SDF4: variants seen among roughly 807,000 people sequenced by gnomAD.
SDF4 encodes the protein stromal cell derived factor 4.
Under a neutral mutation model 34.2 loss-of-function variants are expected in SDF4, and 22 were observed. That is an observed-to-expected ratio of 0.64 (90% confidence interval 0.46 to 0.92). The LOEUF is 0.92. Ranked by LOEUF, SDF4 falls within the 40% of genes least tolerant of loss-of-function variation. SDF4 has a pLI of 0.00. For synonymous variants in SDF4, 236 were observed against 203.1 expected (o/e 1.16, Z -1.38); for missense variants, 447 against 499.9 (o/e 0.89, Z 1.01).
At position 1,218,163 on chromosome 1, in the gene SDF4, G is replaced by A. The variant is rs1649647090; in HGVS notation, c.891+295C>T. Among the ~76,000 whole-genome samples the A allele has an allele frequency of 6.6e-6, 1 of 152,200 alleles. No individual in the cohort carries two copies. Among genetic ancestry groups the A allele is most frequent in the African/African-American group, 2.4e-5 (1 of 41,466 alleles). ...CCTGCCTCCATGCTGGGCCCAGCAT[G>A]AGCTTCCCCTTGTGGTCCCGTTAAA... On this transcript the variant is annotated intron_variant, in intron 6 of 6. Transcript: ENST00000360001. This position sits in a 1 kb window ranked among gnomAD's most constrained non-coding sequence, Gnocchi z 7.9.
At chr1:1,220,902 G>T (rs758844032) in intron 4 of SDF4, 1 of 495,162 alleles carries the variant, frequency 2.0e-6, no homozygotes, top group Non-Finnish European at 3.5e-6. Flanking sequence ...GACCGGGGTG[G>T]AGGCACGAAC....
At chr1:1,219,493 A>G in intron 4 of SDF4, 1 of 996,014 alleles carries the variant, frequency 1.0e-6, no homozygotes, top group Admixed American at 5.4e-5. Context: ...CGAAGGACTC[A>G]CTGCCCTTTT....
At chr1:1,225,615 CATGTGGCAG>C (rs1329654574) in intron 2 of SDF4, among the ~76,000 whole-genome samples, 2 of 152,180 alleles carry the variant, frequency 1.3e-5, no homozygotes, top group African/African-American at 4.8e-5. Context: ...CCCGGGTGGC[CATGTGGCAG>C]GTGGGGCACC....
intron 4 of SDF4, chr1:1,221,104 T>C (rs931979188): frequency 2.1e-5 from 6 of 281,412 alleles, no homozygotes; most frequent in Non-Finnish European, 4.2e-5. Context: ...GTTTTTTTAA[T>C]GTCCAATTTG....
intron 1 of SDF4, among the ~76,000 whole-genome samples, chr1:1,229,475 G>A (rs572281089): frequency 2.0e-5 from 3 of 152,286 alleles, no homozygotes; most frequent in Admixed American, 6.5e-5. Flanking sequence ...GTCTCCCAAC[G>A]TGCTGGGATT....
chr1:1,218,777 C>G lies in SDF4; in HGVS notation c.707G>C (p.Arg236Pro). The G allele has an allele frequency of 1.2e-6, 2 of 1,612,270 alleles. No individual in the cohort carries two copies. Among genetic ancestry groups the G allele is most frequent in the Non-Finnish European group, 1.7e-6 (2 of 1,179,096 alleles). ...MLRFMVKEIV[R>P]DLDQDGDKQL... The stretch of plus-strand genomic sequence containing the variant: ...GCTGGACCCAGCCTCACCCAGGTCC[C>G]GGACGATCTCCTTCACCATGAACCT... Residue 236 changes from arginine to proline, a missense_variant, in exon 5 of 7, where the codon CGG becomes CCG. By Grantham distance (103) the Arg-to-Pro change is moderately radical. Transcript: ENST00000360001. This position sits in a 1 kb window ranked among gnomAD's most constrained non-coding sequence, Gnocchi z 7.9.
At chr1:1,226,285 C>T (rs889537115) in intron 2 of SDF4, among the ~76,000 whole-genome samples, 3 of 152,136 alleles carry the variant, frequency 2.0e-5, no homozygotes. Flanking sequence ...GCTCAAAAGC[C>T]CCTAGGACAG....
rs1570473926 is a variant in SDF4 at position 1,218,250 on chromosome 1, G to A, written c.891+208C>T. On this transcript the variant is annotated intron_variant, in intron 6 of 6. Coordinates refer to ENST00000360001, the MANE Select transcript of SDF4 (RefSeq NM_016176.6). The surrounding 1 kb of genome is among the most constrained non-coding windows in gnomAD (Gnocchi z 7.9). ...CTGAGGATGGAGCCCGGCCAGGCTC[G>A]CCTGTCTCTGATCCGTCTGAACCTA... Among the ~76,000 whole-genome samples the A allele has an allele frequency of 4.6e-5, 7 of 152,190 alleles. No homozygotes were observed. In the South Asian group the frequency reaches 1.2e-3, roughly 27 times the overall value.
chr1:1,226,604 G>A (rs900147278), intron 2 of SDF4, among the ~76,000 whole-genome samples: 17 of 151,184 alleles, frequency 1.1e-4, no homozygotes, highest in South Asian at 6.2e-4. Context: ...GGAGAAGGGC[G>A]AGAAGGGACC....
intron 4 of SDF4, among the ~76,000 whole-genome samples, chr1:1,221,699 G>A (rs1403570154): frequency 2.6e-5 from 4 of 152,204 alleles, no homozygotes; most frequent in African/African-American, 7.2e-5. Flanking sequence ...AGTGGCTCAC[G>A]CCTATAATCC....
At chr1:1,224,106 G>A (rs1274819782) in intron 2 of SDF4, 138 bp from the exon 3 acceptor site, 8 of 1,473,062 alleles carry the variant, frequency 5.4e-6, no homozygotes, top group South Asian at 5.3e-5. Flanking sequence ...CAGGCAACGC[G>A]AAAAGCGTCC....
At chr1:1,222,257 C>T (rs952920050) in intron 4 of SDF4, among the ~76,000 whole-genome samples, 3 of 152,246 alleles carry the variant, frequency 2.0e-5, no homozygotes, top group South Asian at 2.1e-4. Context: ...CCACGGTACC[C>T]GCTCAGCTGT....
intron 1 of SDF4, among the ~76,000 whole-genome samples, chr1:1,229,570 G>A (rs369982933): frequency 6.6e-6 from 1 of 151,910 alleles, no homozygotes; most frequent in Non-Finnish European, 1.5e-5. Flanking sequence ...TCTCTCTCTC[G>A]AGCTGTCAGC....
rs768650358 is a variant in SDF4 at position 1,228,658 on chromosome 1, C to T, written c.115G>A (p.Glu39Lys). ...ARPANHSSTR[E>K]RVANREENEI... ...TTCTCCTCCCTGTTGGCTACTCTCT[C>T]TCGAGTGGACGAGTGGTTGGCAGGC... The change falls in exon 2 of 7, where the codon GAG (glutamate) becomes AAG (lysine). Residue 39 changes from glutamate to lysine, a missense_variant. Glu to Lys is a moderately conservative substitution (Grantham distance 56). Transcript: ENST00000360001. 2 of 1,613,170 alleles carry T rather than the reference C, an allele frequency of 1.2e-6. No individual in the cohort carries two copies. The highest frequency in any genetic ancestry group is 1.7e-6 in the Non-Finnish European group (2 of 1,180,028).
intron 1 of SDF4, among the ~76,000 whole-genome samples, chr1:1,229,732 C>G (rs2100988257): frequency 6.6e-6 from 1 of 152,310 alleles, no homozygotes; most frequent in South Asian, 2.1e-4. Context: ...AGATCTATGA[C>G]CTTAGCTAAG....
At chr1:1,221,943 G>A (rs182281757) in intron 4 of SDF4, among the ~76,000 whole-genome samples, 276 of 152,254 alleles carry the variant, frequency 1.8e-3, no homozygotes, top group African/African-American at 6.4e-3. Context: ...GAGTGAGACC[G>A]TCTCATGAAA....
intron 4 of SDF4, among the ~76,000 whole-genome samples, chr1:1,222,615 C>A (rs764536840): frequency 1.9e-4 from 29 of 152,284 alleles, no homozygotes; most frequent in Non-Finnish European, 3.8e-4. Flanking sequence ...CCTCACGTGG[C>A]CTTCAGAGTA....
rs1332607132 is a variant in SDF4, at chr1:1,228,797, G to A, written c.-25C>T. 6.3e-7 allele frequency: 1 copy of A among 1,580,834 alleles called. No individual in the cohort carries two copies. Among genetic ancestry groups the A allele is most frequent in the South Asian group, 1.1e-5 (1 of 89,038 alleles). Reference sequence around the variant, plus strand: ...TCGCCACCCAGGGCCAGACCATGGGGCGGGCTGCAGGGTGTGGGCCAGGTG... The same window carrying A: ...TCGCCACCCAGGGCCAGACCATGGGACGGGCTGCAGGGTGTGGGCCAGGTG... On this transcript the variant is annotated 5_prime_UTR_variant, in exon 2 of 7. Transcript: ENST00000360001.
chr1:1,227,837 A>C (rs1638361212), intron 2 of SDF4, among the ~76,000 whole-genome samples: 1 of 152,178 alleles, frequency 6.6e-6, no homozygotes, highest in Non-Finnish European at 1.5e-5. Flanking sequence ...GGCACTAGGC[A>C]CAGAGGCAGC....
Sources: gnomAD v4.1 joint callset for allele counts (sites outside exome capture counted in the v4.1 genomes callset) on GRCh38, gnomAD v4.1.1 for gene constraint, Gnocchi (gnomAD v3.1) non-coding constraint, MANE v1.5 for transcripts, NCBI Gene and HGNC (gene_info 2026-07-23, HGNC 2026-07-21) for gene names.